PGPEP1: variants seen among roughly 807,000 people sequenced by gnomAD.
The protein encoded by PGPEP1 is pyroglutamyl-peptidase I.
In PGPEP1, 15 loss-of-function variants were observed where a neutral mutation model predicts 24.1. That is an observed-to-expected ratio of 0.62 (90% CI 0.42 to 0.96). PGPEP1 has a LOEUF of 0.96. Among genes scored for constraint, PGPEP1 ranks in the 40% least tolerant of loss-of-function variants. The pLI is 0.00. For missense variants in PGPEP1, 242 were observed against 273.4 expected (o/e 0.89, Z 0.81); for synonymous variants, 122 against 116.4 (o/e 1.05, Z -0.31).
intron 2 of PGPEP1, among the ~76,000 whole-genome samples, chr19:18,346,956 T>G (rs1381481292): frequency 1.3e-5 from 2 of 151,790 alleles, no homozygotes; most frequent in African/African-American, 4.8e-5. Flanking sequence ...CTCTCTTGTG[T>G]CTTTCTTCCT....
intron 2 of PGPEP1, among the ~76,000 whole-genome samples, chr19:18,354,956 C>T (rs1418474486): frequency 7.1e-6 from 1 of 141,746 alleles, no homozygotes; most frequent in Non-Finnish European, 1.5e-5. Context: ...TGAGGTAAGT[C>T]GATACTTTTT....
chr19:18,365,286 C>G lies in PGPEP1; in HGVS notation c.*1703C>G, dbSNP rs1408565029. 1 of 152,166 alleles carries G rather than the reference C, an allele frequency of 6.6e-6. No homozygotes were observed. Among genetic ancestry groups the G allele is most frequent in the African/African-American group, 2.4e-5 (1 of 41,422 alleles). The allele number at this position is 152,166 out of a possible 1,614,324, so 9.4% of individuals were successfully genotyped here. On this transcript the variant is annotated 3_prime_UTR_variant, in exon 5 of 5. Transcript: ENST00000269919. ...TGGAGGAATGTGGCTATACTGCTTC[C>G]CTGAGTGTGACACAGTTGGAATCTA...
In PGPEP1 at chr19:18,364,125, TTTCTTGCTTTCTTTCTTC is replaced by T. The variant is rs1971452790; in HGVS notation, c.*544_*561del. On this transcript the variant is annotated 3_prime_UTR_variant, in exon 5 of 5. Transcript: ENST00000269919. ...CTTTCTTTCTTTCTTGCTTTCTTTC[TTTCTTGCTTTCTTTCTTC>T]TCTCTCTCTCTTTTTTTTTTTTTTT... is the stretch of plus-strand genomic sequence containing the variant. 1 of 137,990 alleles carries T rather than the reference TTTCTTGCTTTCTTTCTTC, an allele frequency of 7.2e-6. No individual in the cohort carries two copies. Among genetic ancestry groups the T allele is most frequent in the Non-Finnish European group, 1.5e-5 (1 of 66,518 alleles). The allele number at this position is 137,990 out of a possible 1,614,324, so 8.5% of individuals were successfully genotyped here.
intron 2 of PGPEP1, among the ~76,000 whole-genome samples, chr19:18,350,801 T>G (rs745793828): frequency 5.3e-5 from 8 of 152,230 alleles, no homozygotes; most frequent in Non-Finnish European, 8.8e-5. Flanking sequence ...GGCTCATGCC[T>G]GTCATCCCAG....
chr19:18,343,679 C>CTTTT (rs3078437), intron 2 of PGPEP1, among the ~76,000 whole-genome samples: 11 of 115,060 alleles, frequency 9.6e-5, no homozygotes, highest in Non-Finnish European at 1.6e-4. Flanking sequence ...GGATCTCCCT[C>CTTTT]TTTTTTTTTT....
intron 2 of PGPEP1, among the ~76,000 whole-genome samples, chr19:18,343,410 T>C (rs1418256839): frequency 2.6e-5 from 4 of 152,256 alleles, no homozygotes; most frequent in South Asian, 2.1e-4. Context: ...CAACAACCCA[T>C]GCATAGTACG....
At chr19:18,356,062 A>G in intron 3 of PGPEP1, 51 bp downstream of exon 3, 2 of 1,132,516 alleles carry the variant, frequency 1.8e-6, no homozygotes, top group Non-Finnish European at 2.7e-6. Flanking sequence ...ACAGGTTGGC[A>G]CCCTTCATGT....
Position 18,340,761 on chromosome 19 carries a change from G to A in PGPEP1, c.34+46G>A, listed in dbSNP as rs1249091929. The A allele has an allele frequency of 2.2e-6, 3 of 1,374,922 alleles. No individual in the cohort carries two copies. In the Admixed American group the frequency reaches 8.5e-5, roughly 39 times the overall value. 85.2% of individuals were successfully genotyped at this position (1,374,922 alleles called of 1,614,324 possible). A position where few individuals can be genotyped will look rare whatever the true frequency, so the allele number is the denominator to read the frequency against. Reference sequence around the variant, plus strand: ...TGTAGCGGCAGCGGCCGGGGGCAGAGGCGGGGGCGGCTCCGGGACTGCGGG... The same window carrying A: ...TGTAGCGGCAGCGGCCGGGGGCAGAAGCGGGGGCGGCTCCGGGACTGCGGG... On this transcript the variant is annotated intron_variant, in intron 1 of 4. Coordinates refer to ENST00000269919, the MANE Select transcript of PGPEP1 (RefSeq NM_017712.4).
At chr19:18,355,851 G>C (rs1971166270) in intron 2 of PGPEP1, 44 bp from the exon 3 acceptor site, 19 of 1,210,906 alleles carry the variant, frequency 1.6e-5, no homozygotes, top group Non-Finnish European at 2.3e-5. Context: ...TATCCCCATA[G>C]CTGTCATCTG....
Position 18,366,361 on chromosome 19 carries a change from C to T in PGPEP1, c.*2778C>T, listed in dbSNP as rs574786974. ...TGCTCATTGTCACGTGTGTGTGTGT[C>T]ATCTTTGTATTCTTGCAGTGGTTTC... is the stretch of plus-strand genomic sequence containing the variant. On this transcript the variant is annotated 3_prime_UTR_variant, in exon 5 of 5. Transcript: ENST00000269919. The T allele has an allele frequency of 6.6e-6, 1 of 152,090 alleles. No individual in the cohort carries two copies. Among genetic ancestry groups the T allele is most frequent in the East Asian group, 1.9e-4 (1 of 5,196 alleles). 9.4% of individuals were successfully genotyped at this position (152,090 alleles called of 1,614,324 possible). A position where few individuals can be genotyped will look rare whatever the true frequency, so the allele number is the denominator to read the frequency against.
At chr19:18,346,633 C>CTTTTTTT (rs775309565) in intron 2 of PGPEP1, among the ~76,000 whole-genome samples, 32 of 79,528 alleles carry the variant, frequency 4.0e-4, no homozygotes, top group South Asian at 5.8e-4. Context: ...CTGTTTCTCT[C>CTTTTTTT]TTTTTTTTTT....
At chr19:18,347,956 C>T (rs1970902714) in intron 2 of PGPEP1, among the ~76,000 whole-genome samples, 1 of 152,166 alleles carries the variant, frequency 6.6e-6, no homozygotes, top group Non-Finnish European at 1.5e-5. Flanking sequence ...CTGATCCTTT[C>T]TCTTTGTCCC....
At position 18,355,473 on chromosome 19, in the gene PGPEP1, C is replaced by T. The variant is rs1016393529; in HGVS notation, c.88-422C>T. On this transcript the variant is annotated intron_variant, in intron 2 of 4. Coordinates refer to ENST00000269919, the MANE Select transcript of PGPEP1 (RefSeq NM_017712.4). ...ATGGGGTGACACCATGTTGGCTAGA[C>T]TGGTCTCGAACTCCTGACCTCAGGT... is the stretch of plus-strand genomic sequence containing the variant. Among the ~76,000 whole-genome samples the T allele has an allele frequency of 5.9e-5, 9 of 151,642 alleles. 1 individual carries two copies. The highest frequency in any genetic ancestry group is 5.9e-4 in the Admixed American group (9 of 15,188).
intron 2 of PGPEP1, among the ~76,000 whole-genome samples, chr19:18,353,147 G>A (rs1600210316): frequency 2.6e-5 from 4 of 151,800 alleles, no homozygotes; most frequent in Admixed American, 2.0e-4. Context: ...TTGAACTCCC[G>A]ACCTCAGGTG....
intron 2 of PGPEP1, chr19:18,349,048 G>T: frequency 1.0e-6 from 1 of 973,108 alleles, no homozygotes; most frequent in Non-Finnish European, 1.2e-6. Flanking sequence ...ATAGGTGTGA[G>T]CCACCGAGCC....
intron 2 of PGPEP1, among the ~76,000 whole-genome samples, chr19:18,349,426 G>A (rs572503326): frequency 6.6e-6 from 1 of 152,010 alleles, no homozygotes; most frequent in East Asian, 1.9e-4. Flanking sequence ...CTCCCAAATC[G>A]CTGGGATTAC....
intron 1 of PGPEP1, among the ~76,000 whole-genome samples, chr19:18,341,877 A>G (rs1429495103): frequency 6.6e-6 from 1 of 151,324 alleles, no homozygotes; most frequent in Admixed American, 6.6e-5. Flanking sequence ...CATAGCATTC[A>G]TATCCTGTGG....
intron 1 of PGPEP1, among the ~76,000 whole-genome samples, chr19:18,341,454 G>C (rs189252219): frequency 3.3e-5 from 5 of 152,116 alleles, no homozygotes; most frequent in Admixed American, 6.6e-5. Flanking sequence ...GTCAAGGAGT[G>C]GGGGGGTCAT....
In PGPEP1 at chr19:18,357,631, G is replaced by A. The variant is rs756451527; in HGVS notation, c.437+16G>A. On this transcript the variant is annotated intron_variant, in intron 4 of 4. Transcript: ENST00000269919. ...ATGCCGGCAGGTAGGGCCCTGTGGG[G>A]TGGGAGTGAGTGGGGATTTCCCTCC... 2.0e-6 allele frequency: 3 copies of A among 1,537,970 alleles called. No individual in the cohort carries two copies. Among genetic ancestry groups the A allele is most frequent in the South Asian group, 2.3e-5 (2 of 85,824 alleles).
Sources: allele counts gnomAD v4.1 joint callset (sites outside exome capture counted in the v4.1 genomes callset), GRCh38; gene constraint gnomAD v4.1.1; transcripts MANE v1.5; gene names NCBI Gene and HGNC (gene_info 2026-07-23, HGNC 2026-07-21).